The following TMEM132D variants were observed in gnomAD, a reference collection of about 807,000 sequenced individuals.
TMEM132D encodes the protein transmembrane protein 132D, also known as mature OL transmembrane protein.
TMEM132D carries 21 observed loss-of-function variants against 62.3 expected under a neutral mutation model. That is an observed-to-expected ratio of 0.34 (90% CI 0.24 to 0.49). TMEM132D has a LOEUF of 0.49. Among genes scored for constraint, TMEM132D ranks in the 20% least tolerant of loss-of-function variants. The probability of loss-of-function intolerance (pLI) is 0.99; values close to 1 mark genes in which losing one functional copy is unlikely to be tolerated. For synonymous variants in TMEM132D, 621 were observed against 575.6 expected (o/e 1.08, Z -1.13); for missense variants, 1,346 against 1,402.8 (o/e 0.96, Z 0.65).
intron 4 of TMEM132D, among the ~76,000 whole-genome samples, chr12:129,267,167 G>A (rs1254411526): frequency 6.7e-6 from 1 of 149,278 alleles, no homozygotes; most frequent in Non-Finnish European, 1.5e-5. Context: ...TCCCTGTTGA[G>A]GGTTTTTTTT....
intron 5 of TMEM132D, among the ~76,000 whole-genome samples, chr12:129,163,480 G>A (rs1361049114): frequency 2.0e-5 from 3 of 152,170 alleles, no homozygotes; most frequent in Non-Finnish European, 2.9e-5. Context: ...CTGGGGTTGG[G>A]TTTGGCCACT....
At chr12:129,598,325 G>C (rs1466367342) in intron 2 of TMEM132D, among the ~76,000 whole-genome samples, 1 of 152,156 alleles carries the variant, frequency 6.6e-6, no homozygotes, top group African/African-American at 2.4e-5. Flanking sequence ...GCAGGCTCCA[G>C]GTCAAAGCCC....
At chr12:129,298,150 G>A (rs1881622933) in intron 4 of TMEM132D, among the ~76,000 whole-genome samples, 1 of 152,004 alleles carries the variant, frequency 6.6e-6, no homozygotes, top group Non-Finnish European at 1.5e-5. Flanking sequence ...GGTGTAGAGG[G>A]TAGGACTGTT....
rs747689797 is a variant in TMEM132D at position 129,871,957 on chromosome 12, T to C, written c.79+31304A>G. On this transcript the variant is annotated intron_variant, in intron 1 of 8. Transcript: ENST00000422113. The stretch of plus-strand genomic sequence containing the variant: ...AAGAGGAAAGGGATGGAACAGACAA[T>C]GTCTGCAGGAAGGCCTGTGTGGGTC... Among the ~76,000 whole-genome samples, 51 of 152,150 alleles carry C rather than the reference T, an allele frequency of 3.4e-4. 1 individual carries two copies. The highest frequency in any genetic ancestry group is 1.5e-4 in the Non-Finnish European group (10 of 68,022).
At position 129,073,686 on chromosome 12, in the gene TMEM132D, C is replaced by G. The variant is rs1874148016; in HGVS notation, c.*189G>C. On this transcript the variant is annotated 3_prime_UTR_variant, in exon 9 of 9. Coordinates refer to ENST00000422113, the MANE Select transcript of TMEM132D (RefSeq NM_133448.3). The stretch of plus-strand genomic sequence containing the variant: ...AACCTCTTAAGCAAGACACTGTACT[C>G]TGGAATGTGTGCGTCGATGCGGACT... 1.8e-6 allele frequency: 1 copy of G among 542,330 alleles called. No homozygotes were observed. Among genetic ancestry groups the G allele is most frequent in the African/African-American group, 1.9e-5 (1 of 52,726 alleles). 33.6% of individuals were successfully genotyped at this position (542,330 alleles called of 1,614,324 possible).
At chr12:129,408,688 A>C (rs1425139788) in intron 3 of TMEM132D, among the ~76,000 whole-genome samples, 2 of 152,050 alleles carry the variant, frequency 1.3e-5, no homozygotes, top group South Asian at 2.1e-4. Context: ...ATTTGAGAAT[A>C]AGAGGGTTTA....
At chr12:129,335,194 C>T (rs1324018885) in intron 4 of TMEM132D, among the ~76,000 whole-genome samples, 3 of 131,374 alleles carry the variant, frequency 2.3e-5, no homozygotes, top group Middle Eastern at 5.9e-3. Flanking sequence ...TGCTGTGGTA[C>T]GTTCTTGGCT....
At chr12:129,228,669 T>C (rs1416532496) in intron 4 of TMEM132D, among the ~76,000 whole-genome samples, 1 of 152,194 alleles carries the variant, frequency 6.6e-6, no homozygotes, top group Non-Finnish European at 1.5e-5. Context: ...TCATGGTTCA[T>C]CCATGCTGTA....
rs542423593 is a variant in TMEM132D at position 129,891,797 on chromosome 12, G to A, written c.79+11464C>T. Among the ~76,000 whole-genome samples the A allele has an allele frequency of 2.6e-5, 4 of 152,124 alleles. No individual in the cohort carries two copies. In the East Asian group the frequency reaches 7.7e-4, roughly 29 times the overall value. On this transcript the variant is annotated intron_variant, in intron 1 of 8. Transcript: ENST00000422113. ...ACTCATAATACATTTTTAAACATGA[G>A]GAAATACTTATGTAAACACATGAAC...
intron 1 of TMEM132D, among the ~76,000 whole-genome samples, chr12:129,752,933 C>G (rs546132728): frequency 1.3e-5 from 2 of 152,150 alleles, no homozygotes; most frequent in African/African-American, 4.8e-5. Context: ...GGTGGTCCCC[C>G]CAAAGCAACT....
intron 4 of TMEM132D, among the ~76,000 whole-genome samples, chr12:129,321,914 T>A (rs759996950): frequency 4.6e-5 from 7 of 152,220 alleles, no homozygotes; most frequent in Non-Finnish European, 8.8e-5. Context: ...TTCCTGCTCT[T>A]TGTCGGACAC....
intron 3 of TMEM132D, among the ~76,000 whole-genome samples, chr12:129,393,785 C>T (rs1188313618): frequency 6.6e-6 from 1 of 152,146 alleles, no homozygotes; most frequent in East Asian, 1.9e-4. Flanking sequence ...AGGTAATATT[C>T]ATCACTCAGA....
intron 1 of TMEM132D, among the ~76,000 whole-genome samples, chr12:129,765,913 G>C (rs1870537179): frequency 6.6e-6 from 1 of 152,324 alleles, no homozygotes; most frequent in East Asian, 1.9e-4. Context: ...CTCTGCAGTA[G>C]GCTGTTCTGC....
At chr12:129,100,357 C>A (rs1875259887) in intron 5 of TMEM132D, among the ~76,000 whole-genome samples, 1 of 152,166 alleles carries the variant, frequency 6.6e-6, no homozygotes, top group Non-Finnish European at 1.5e-5. Context: ...TTAATTAGGT[C>A]ATTGAAGGTC....
chr12:129,477,881 GAC>G (rs2137051344), intron 3 of TMEM132D, among the ~76,000 whole-genome samples: 1 of 151,670 alleles, frequency 6.6e-6, no homozygotes, highest in Non-Finnish European at 1.5e-5. Flanking sequence ...GAGAGAGAGA[GAC>G]AGAGAGAGAG....
At chr12:129,593,458 A>T (rs2096363645) in intron 2 of TMEM132D, among the ~76,000 whole-genome samples, 1 of 152,228 alleles carries the variant, frequency 6.6e-6, no homozygotes, top group Non-Finnish European at 1.5e-5. Flanking sequence ...TAATATGTCC[A>T]TGAAATGAAT....
At chr12:129,220,527 AT>A (rs1435703976) in intron 4 of TMEM132D, among the ~76,000 whole-genome samples, 2 of 152,186 alleles carry the variant, frequency 1.3e-5, no homozygotes, top group South Asian at 2.1e-4. Context: ...CAGAGAGAGT[AT>A]TTTGTGGGCA....
chr12:129,895,810 T>A (rs1875091271), intron 1 of TMEM132D, among the ~76,000 whole-genome samples: 1 of 127,814 alleles, frequency 7.8e-6, no homozygotes, highest in Non-Finnish European at 1.7e-5. Context: ...TCCTGCCCTT[T>A]CCCCTAGTAA....
chr12:129,281,152 T>C (rs1881134645), intron 4 of TMEM132D, among the ~76,000 whole-genome samples: 1 of 152,238 alleles, frequency 6.6e-6, no homozygotes, highest in East Asian at 1.9e-4. Flanking sequence ...CCATACTCTA[T>C]TCTCAGAGAA....
Sources: allele counts gnomAD v4.1 joint callset (sites outside exome capture counted in the v4.1 genomes callset), GRCh38; gene constraint gnomAD v4.1.1; transcripts MANE v1.5; gene names NCBI Gene and HGNC (gene_info 2026-07-23, HGNC 2026-07-21).